RBFOX1: variants seen among roughly 807,000 people sequenced by gnomAD.
RBFOX1 encodes RNA binding protein fox-1 homolog 1.
A neutral mutation model predicts 57.7 loss-of-function variants in RBFOX1; 8 were observed. The ratio of observed to expected loss-of-function variants is 0.14; its 90% CI spans 0.08 to 0.25. RBFOX1 has a LOEUF of 0.25. Among genes scored for constraint, RBFOX1 ranks in the 10% least tolerant of loss-of-function variants. The probability of loss-of-function intolerance (pLI) is 1.00; values close to 1 mark genes in which losing one functional copy is unlikely to be tolerated. For synonymous variants in RBFOX1, 326 were observed against 222.4 expected (o/e 1.47, Z -4.15); for missense variants, 611 against 548.5 (o/e 1.11, Z -1.14).
chr16:5,555,676 A>C (rs2045641529), intron 2 of RBFOX1, among the ~76,000 whole-genome samples: 1 of 152,078 alleles, frequency 6.6e-6, no homozygotes, highest in East Asian at 1.9e-4. Flanking sequence ...GTGAGGATTG[A>C]GGGCAGAGAC....
At chr16:7,049,840 A>C (rs1042619033) in intron 3 of RBFOX1, among the ~76,000 whole-genome samples, 1 of 152,172 alleles carries the variant, frequency 6.6e-6, no homozygotes, top group African/African-American at 2.4e-5. Flanking sequence ...CACCCACTTC[A>C]TTTATTTTGT....
intron 2 of RBFOX1, among the ~76,000 whole-genome samples, chr16:6,575,945 G>T (rs1387286341): frequency 1.3e-5 from 2 of 151,850 alleles, no homozygotes; most frequent in African/African-American, 4.8e-5. Flanking sequence ...TGATTAATCA[G>T]TGATGGTGGT....
At chr16:5,805,329 A>T (rs2055191141) in intron 3 of RBFOX1, among the ~76,000 whole-genome samples, 1 of 152,242 alleles carries the variant, frequency 6.6e-6, no homozygotes, top group Admixed American at 6.5e-5. Flanking sequence ...GTGTGTCACA[A>T]ATATAAATTA....
chr16:6,863,494 G>C (rs2059363815), intron 3 of RBFOX1, among the ~76,000 whole-genome samples: 1 of 151,830 alleles, frequency 6.6e-6, no homozygotes, highest in African/African-American at 2.4e-5. Flanking sequence ...TGTACAAGTA[G>C]AACACATAGC....
chr16:6,666,104 C>T (rs1245537194), intron 3 of RBFOX1, among the ~76,000 whole-genome samples: 1 of 152,156 alleles, frequency 6.6e-6, no homozygotes, highest in African/African-American at 2.4e-5. Context: ...TGCCTTTTGC[C>T]TCCCATCATG....
intron 4 of RBFOX1, among the ~76,000 whole-genome samples, chr16:7,197,323 G>A (rs899705070): frequency 4.6e-5 from 7 of 151,726 alleles, no homozygotes; most frequent in African/African-American, 9.7e-5. Context: ...GCTTGCTATC[G>A]ATTTTAACTC....
intron 1 of RBFOX1, among the ~76,000 whole-genome samples, chr16:6,193,414 A>ATATATATAG (rs2097159478): frequency 5.1e-5 from 6 of 118,272 alleles, no homozygotes; most frequent in African/African-American, 1.2e-4. Context: ...ATATATATAT[A>ATATATATAG]TATATATATA....
intron 4 of RBFOX1, among the ~76,000 whole-genome samples, chr16:5,896,899 C>T (rs2058178526): frequency 2.0e-5 from 3 of 152,068 alleles, no homozygotes; most frequent in Admixed American, 6.6e-5. Context: ...TGCTTTTGAG[C>T]AGCTGCCAAA....
At chr16:7,308,424 G>C (rs916351598) in intron 4 of RBFOX1, among the ~76,000 whole-genome samples, 1 of 151,652 alleles carries the variant, frequency 6.6e-6, no homozygotes, top group South Asian at 2.1e-4. Context: ...TATCTGTCAA[G>C]CCCTATCCAC....
At chr16:7,336,823 T>G (rs1300658268) in intron 4 of RBFOX1, among the ~76,000 whole-genome samples, 1 of 152,240 alleles carries the variant, frequency 6.6e-6, no homozygotes, top group East Asian at 1.9e-4. Flanking sequence ...CTTTTGGAAG[T>G]TGGGCACCAA....
At chr16:7,229,122 CAAGT>C (rs1396212897) in intron 4 of RBFOX1, among the ~76,000 whole-genome samples, 2 of 152,110 alleles carry the variant, frequency 1.3e-5, no homozygotes, top group Non-Finnish European at 2.9e-5. Flanking sequence ...AACAAGTAGT[CAAGT>C]AAGAAGCAAA....
At chr16:6,673,413 CCG>C (rs2098780164) in intron 3 of RBFOX1, among the ~76,000 whole-genome samples, 1 of 152,018 alleles carries the variant, frequency 6.6e-6, no homozygotes, top group Non-Finnish European at 1.5e-5. Context: ...CATGGCAAAA[CCG>C]CATCTCTACT....
chr16:7,627,914 A>ATT (rs34947164), intron 10 of RBFOX1, among the ~76,000 whole-genome samples: 1 of 146,966 alleles, frequency 6.8e-6, no homozygotes. Context: ...TTGCATAAAG[A>ATT]TTTTTTTTTT....
At chr16:6,068,797 T>C (rs549272403) in intron 1 of RBFOX1, among the ~76,000 whole-genome samples, 93 of 152,262 alleles carry the variant, frequency 6.1e-4, no homozygotes, top group Non-Finnish European at 1.1e-3. Context: ...TTTCTAATTT[T>C]AAGTTGGTCT....
chr16:7,687,386 A>G (rs918462884), intron 14 of RBFOX1, among the ~76,000 whole-genome samples: 4 of 152,026 alleles, frequency 2.6e-5, no homozygotes, highest in Non-Finnish European at 5.9e-5. Context: ...GGCAAGTCCA[A>G]GATACTCCAG....
rs143672703 is a variant in RBFOX1 at position 6,134,833 on chromosome 16, C to A, written c.-127+114841C>A. On this transcript the variant is annotated intron_variant, in intron 1 of 15. Coordinates refer to ENST00000550418, the MANE Select transcript of RBFOX1 (RefSeq NM_018723.4). ...GGGGTCCATTCTCTAGCATCTTACC[C>A]CAGGCAGGCCATTTTTTTTTTATTA... is the stretch of plus-strand genomic sequence containing the variant. 5.1e-3 allele frequency among the ~76,000 whole-genome samples: 638 copies of A among 126,178 alleles called. 5 individuals carry two copies. The highest frequency in any genetic ancestry group is 0.019 in the East Asian group (90 of 4,714). The allele number at this position is 126,178 out of a possible 152,430, so 82.8% of individuals were successfully genotyped here.
At chr16:6,869,862 A>G (rs1474345111) in intron 3 of RBFOX1, among the ~76,000 whole-genome samples, 1 of 152,150 alleles carries the variant, frequency 6.6e-6, no homozygotes, top group Non-Finnish European at 1.5e-5. Context: ...ATGAAGGGGA[A>G]TCTGTTCAGA....
chr16:6,254,507 T>C (rs572412492), intron 1 of RBFOX1, among the ~76,000 whole-genome samples: 1 of 152,142 alleles, frequency 6.6e-6, no homozygotes. Flanking sequence ...CTTGCTGAGT[T>C]TGAAGCTTGA....
chr16:6,146,498 T>A (rs888383868), intron 1 of RBFOX1, among the ~76,000 whole-genome samples: 8 of 152,082 alleles, frequency 5.3e-5, no homozygotes, highest in Admixed American at 3.9e-4. Context: ...CCCCCTCTAG[T>A]TATGACAACC....
Sources: gnomAD v4.1 joint callset for allele counts (sites outside exome capture counted in the v4.1 genomes callset) on GRCh38, gnomAD v4.1.1 for gene constraint, MANE v1.5 for transcripts, NCBI Gene and HGNC (gene_info 2026-07-23, HGNC 2026-07-21) for gene names.